The following CHERP variants were observed in gnomAD, a reference collection of about 807,000 sequenced individuals.
CHERP encodes the protein calcium homeostasis endoplasmic reticulum protein.
Under a neutral mutation model 113.8 loss-of-function variants are expected in CHERP, and 8 were observed. That is an observed-to-expected ratio of 0.07 (90% CI 0.04 to 0.13). The LOEUF is 0.13. CHERP is among the 10% of genes least tolerant of loss of function. CHERP has a pLI of 1.00. For synonymous variants in CHERP, 559 were observed against 524.5 expected (o/e 1.07, Z -0.90); for missense variants, 884 against 1,298.2 (o/e 0.68, Z 4.90).
intron 12 of CHERP, 91 bp downstream of exon 12, chr19:16,521,430 C>T: frequency 2.3e-6 from 3 of 1,306,018 alleles, no homozygotes; most frequent in East Asian, 5.2e-5. Context: ...GGGACAGCCA[C>T]ATTTTCTAGC....
intron 3 of CHERP, among the ~76,000 whole-genome samples, chr19:16,534,662 G>C (rs1021164416): frequency 1.3e-4 from 19 of 151,830 alleles, no homozygotes; most frequent in African/African-American, 4.4e-4. Flanking sequence ...TTTTCATAGA[G>C]ACAGGGTTTC....
At chr19:16,527,974 A>G in intron 9 of CHERP, 106 bp downstream of exon 9, 6 of 1,127,022 alleles carry the variant, frequency 5.3e-6, no homozygotes, top group South Asian at 1.4e-5. Flanking sequence ...AATATCCCTC[A>G]TTGTTCCCCA....
chr19:16,539,426 C>G (rs1271824577), intron 2 of CHERP, among the ~76,000 whole-genome samples: 1 of 152,168 alleles, frequency 6.6e-6, no homozygotes, highest in African/African-American at 2.4e-5. Context: ...GGATTACAGG[C>G]GTGAGCCACC....
Position 16,519,410 on chromosome 19 carries a change from TG to T in CHERP, c.2558-59del. The stretch of plus-strand genomic sequence containing the variant: ...AGGCGGAGGCAGATGGGGGTGCACG[TG>T]GGGGGCTGAATGTCCAGACAGGCAG... On this transcript the variant is annotated intron_variant, in intron 16 of 16. Transcript: ENST00000546361. The surrounding 1 kb of genome is among the most constrained non-coding windows in gnomAD (Gnocchi z 6.0). 1.3e-6 allele frequency: 2 copies of T among 1,539,910 alleles called. No homozygotes were observed. The highest frequency in any genetic ancestry group is 1.8e-6 in the Non-Finnish European group (2 of 1,130,568).
chr19:16,533,284 C>A (rs1469008512), intron 3 of CHERP, 136 bp from the exon 4 acceptor site: 1 of 788,306 alleles, frequency 1.3e-6, no homozygotes, highest in Admixed American at 2.6e-5. Flanking sequence ...GCCATCAGCT[C>A]CCTTGCTTGT....
chr19:16,537,961 C>A (rs1303692789), intron 2 of CHERP, among the ~76,000 whole-genome samples: 3 of 152,204 alleles, frequency 2.0e-5, no homozygotes, highest in African/African-American at 7.2e-5. Flanking sequence ...TAAAACACAA[C>A]ACCAGAAATG....
rs2122237786 is a variant in CHERP, at chr19:16,519,538, C to T, written c.2557+83G>A. 1 of 1,360,810 alleles carries T rather than the reference C, an allele frequency of 7.3e-7. No individual in the cohort carries two copies. Among genetic ancestry groups the T allele is most frequent in the Non-Finnish European group, 1.0e-6 (1 of 953,554 alleles). 84.3% of individuals were successfully genotyped at this position (1,360,810 alleles called of 1,614,324 possible). A position where few individuals can be genotyped will look rare whatever the true frequency, so the allele number is the denominator to read the frequency against. On this transcript the variant is annotated intron_variant, in intron 16 of 16. Coordinates refer to ENST00000546361, the MANE Select transcript of CHERP (RefSeq NM_006387.6). This position sits in a 1 kb window ranked among gnomAD's most constrained non-coding sequence, Gnocchi z 6.0. ...CTGACTCCATCCATCCCCACATGCACTGAGGAAGAGAAAGCGCTGGTGACT... is the reference window on the plus strand; with the variant it reads ...CTGACTCCATCCATCCCCACATGCATTGAGGAAGAGAAAGCGCTGGTGACT...
chr19:16,519,515 G>T lies in CHERP; in HGVS notation c.2557+106C>A, dbSNP rs1321347483. 3 of 1,283,768 alleles carry T rather than the reference G, an allele frequency of 2.3e-6. No homozygotes were observed. The highest frequency in any genetic ancestry group is 1.2e-5 in the South Asian group (1 of 81,472). The allele number at this position is 1,283,768 out of a possible 1,614,324, so 79.5% of individuals were successfully genotyped here. ...GTCTGGGTGGAGTCAGAACCGGCCTGACTCCATCCATCCCCACATGCACTG... is the reference window on the plus strand; with the variant it reads ...GTCTGGGTGGAGTCAGAACCGGCCTTACTCCATCCATCCCCACATGCACTG... On this transcript the variant is annotated intron_variant, in intron 16 of 16. Coordinates refer to ENST00000546361, the MANE Select transcript of CHERP (RefSeq NM_006387.6). This position sits in a 1 kb window ranked among gnomAD's most constrained non-coding sequence, Gnocchi z 6.0.
intron 2 of CHERP, among the ~76,000 whole-genome samples, chr19:16,537,732 G>C (rs376843593): frequency 6.6e-6 from 1 of 151,676 alleles, no homozygotes; most frequent in Admixed American, 6.6e-5. Context: ...CCCCAGAACC[G>C]GTCTTCCTGC....
At chr19:16,534,057 CTTT>C (rs1242148515) in intron 3 of CHERP, among the ~76,000 whole-genome samples, 1 of 77,360 alleles carries the variant, frequency 1.3e-5, no homozygotes, top group Non-Finnish European at 2.7e-5. Context: ...CTTTTCTTTT[CTTT>C]TTTTTTTTTT....
At chr19:16,521,497 A>G in intron 12 of CHERP, 24 bp downstream of exon 12, 1 of 1,544,246 alleles carries the variant, frequency 6.5e-7, no homozygotes. Context: ...CCTCCCGCCC[A>G]CCCCACTGAC....
intron 5 of CHERP, 141 bp from the exon 6 acceptor site, chr19:16,531,021 TC>T: frequency 7.3e-7 from 1 of 1,366,980 alleles, no homozygotes; most frequent in Non-Finnish European, 9.8e-7. Context: ...ATGGCTGGGC[TC>T]CCACGAGACC....
Position 16,535,348 on chromosome 19 carries a change from G to T in CHERP, c.384+104C>A. On this transcript the variant is annotated intron_variant, in intron 3 of 16. Transcript: ENST00000546361. This position sits in a 1 kb window ranked among gnomAD's most constrained non-coding sequence, Gnocchi z 4.3. The stretch of plus-strand genomic sequence containing the variant: ...CACCGAGCCCTGGGTGGCAGGGGGG[G>T]CCCTGTCCTCACTGACACCTGTTAT... 7.9e-7 allele frequency: 1 copy of T among 1,258,982 alleles called. No individual in the cohort carries two copies. Among genetic ancestry groups the T allele is most frequent in the Admixed American group, 2.1e-5 (1 of 48,374 alleles). 78.0% of individuals were successfully genotyped at this position (1,258,982 alleles called of 1,614,324 possible). A position where few individuals can be genotyped will look rare whatever the true frequency, so the allele number is the denominator to read the frequency against.
chr19:16,525,108 G>C lies in CHERP; in HGVS notation c.1741+134C>G. The stretch of plus-strand genomic sequence containing the variant: ...CCTGAGAACCCAGGCCGGGCTCCTC[G>C]GACGTCCCATGACCCTGTGTCTGTC... On this transcript the variant is annotated intron_variant, in intron 10 of 16. Coordinates refer to ENST00000546361, the MANE Select transcript of CHERP (RefSeq NM_006387.6). The surrounding 1 kb of genome is among the most constrained non-coding windows in gnomAD (Gnocchi z 6.5). 1.2e-6 allele frequency: 1 copy of C among 868,010 alleles called. No individual in the cohort carries two copies. The highest frequency in any genetic ancestry group is 1.6e-6 in the Non-Finnish European group (1 of 639,716). 53.8% of individuals were successfully genotyped at this position (868,010 alleles called of 1,614,324 possible). A position where few individuals can be genotyped will look rare whatever the true frequency, so the allele number is the denominator to read the frequency against.
In CHERP at chr19:16,532,412, A is replaced by G; in HGVS notation, c.674+186T>C. 3.0e-6 allele frequency: 2 copies of G among 668,466 alleles called. No homozygotes were observed. Among genetic ancestry groups the G allele is most frequent in the East Asian group, 2.8e-5 (1 of 35,668 alleles). The allele number at this position is 668,466 out of a possible 1,614,324, so 41.4% of individuals were successfully genotyped here. A position where few individuals can be genotyped will look rare whatever the true frequency, so the allele number is the denominator to read the frequency against. ...CAGCGAAGGTGCACAGGACACCTAG[A>G]CCTCGCAGTCCTGGAGACAGAAGCC... On this transcript the variant is annotated intron_variant, in intron 5 of 16. Coordinates refer to ENST00000546361, the MANE Select transcript of CHERP (RefSeq NM_006387.6). This position sits in a 1 kb window ranked among gnomAD's most constrained non-coding sequence, Gnocchi z 4.4.
At position 16,520,218 on chromosome 19, in the gene CHERP, G is replaced by C; in HGVS notation, c.2393C>G (p.Ser798Trp). The C allele has an allele frequency of 6.2e-7, 1 of 1,613,388 alleles. No individual in the cohort carries two copies. Among genetic ancestry groups the C allele is most frequent in the Non-Finnish European group, 8.5e-7 (1 of 1,180,018 alleles). Residue 798 changes from serine (S) to tryptophan (W), a missense_variant, in exon 15 of 17, where the codon TCG becomes TGG. Around this residue, in one of 8 missense-constraint regions of CHERP, gnomAD observed 159 missense variants for 185.8 expected, o/e 0.86. Coordinates refer to ENST00000546361, the MANE Select transcript of CHERP (RefSeq NM_006387.6). The surrounding 1 kb of genome is among the most constrained non-coding windows in gnomAD (Gnocchi z 4.0). ...RSSRSRSRSQ[S>W]RSRSKSYSPG... ...GGAGTACGACTTGGACCGGGACCGC[G>C]ACTGGGACCGGGAGCGGCTTCTGGA...
intron 11 of CHERP, among the ~76,000 whole-genome samples, chr19:16,522,225 C>T (rs2085622368): frequency 6.6e-6 from 1 of 151,754 alleles, no homozygotes; most frequent in Admixed American, 6.6e-5. Context: ...CCAGCATGCC[C>T]TTGGAGGCCC....
chr19:16,519,580 G>A lies in CHERP; in HGVS notation c.2557+41C>T, dbSNP rs373233686. 119 of 1,548,380 alleles carry A rather than the reference G, an allele frequency of 7.7e-5. No individual in the cohort carries two copies. The East Asian group carries it at 9.6e-4, about 13-fold the overall frequency. ...CTGGTGACTCCCGGGCCCAGCACGCGTGAGGACCCATCCCGCGCCCTCCCC... is the reference window on the plus strand; with the variant it reads ...CTGGTGACTCCCGGGCCCAGCACGCATGAGGACCCATCCCGCGCCCTCCCC... On this transcript the variant is annotated intron_variant, in intron 16 of 16. Transcript: ENST00000546361. The surrounding 1 kb of genome is among the most constrained non-coding windows in gnomAD (Gnocchi z 6.0).
intron 2 of CHERP, among the ~76,000 whole-genome samples, chr19:16,539,194 C>G (rs944604912): frequency 6.8e-6 from 1 of 147,410 alleles, no homozygotes; most frequent in African/African-American, 2.5e-5. Flanking sequence ...GTCGCCCAGG[C>G]TGGAGTGCAG....
Sources: gnomAD v4.1 joint callset for allele counts (sites outside exome capture counted in the v4.1 genomes callset) on GRCh38, gnomAD v4.1.1 for gene constraint, gnomAD v4.1.1 regional missense constraint, Gnocchi (gnomAD v3.1) non-coding constraint, MANE v1.5 for transcripts, NCBI Gene and HGNC (gene_info 2026-07-23, HGNC 2026-07-21) for gene names.